The following ANKS1B variants were observed in gnomAD, a reference collection of about 807,000 sequenced individuals.
ANKS1B encodes the protein ankyrin repeat and sterile alpha motif domain-containing protein 1B.
ANKS1B carries 36 observed loss-of-function variants against 148.3 expected under a neutral mutation model. The observed-to-expected ratio is 0.24, with a 90% confidence interval of 0.19 to 0.32. The LOEUF (loss-of-function observed/expected upper bound fraction) is 0.32. Among genes scored for constraint, ANKS1B ranks in the 10% least tolerant of loss-of-function variants. The pLI is 1.00. For synonymous variants in ANKS1B, 542 were observed against 560.8 expected (o/e 0.97, Z 0.47); for missense variants, 1,157 against 1,542.6 (o/e 0.75, Z 4.19).
chr12:99,627,224 C>T (rs953807516), intron 9 of ANKS1B, among the ~76,000 whole-genome samples: 2 of 152,076 alleles, frequency 1.3e-5, no homozygotes, highest in Non-Finnish European at 2.9e-5. Flanking sequence ...TTTATTAATA[C>T]ACAATTGAGA....
intron 26 of ANKS1B, among the ~76,000 whole-genome samples, chr12:98,746,153 A>G (rs1262650904): frequency 6.6e-6 from 1 of 152,180 alleles, no homozygotes; most frequent in Non-Finnish European, 1.5e-5. Flanking sequence ...AGAGGGCACC[A>G]TGTGGGCACA....
chr12:99,428,649 C>T (rs138057217), intron 11 of ANKS1B, among the ~76,000 whole-genome samples: 57 of 152,248 alleles, frequency 3.7e-4, no homozygotes, highest in Non-Finnish European at 6.6e-4. Flanking sequence ...CCCAGACCCA[C>T]GTGCATACGT....
At chr12:99,594,334 T>G (rs370658888) in intron 9 of ANKS1B, among the ~76,000 whole-genome samples, 7 of 152,160 alleles carry the variant, frequency 4.6e-5, no homozygotes, top group African/African-American at 1.7e-4. Context: ...AACCACCATA[T>G]AATTTAGCAA....
chr12:99,932,179 A>C (rs2094635223), intron 1 of ANKS1B, among the ~76,000 whole-genome samples: 1 of 152,196 alleles, frequency 6.6e-6, no homozygotes, highest in Non-Finnish European at 1.5e-5. Context: ...GTTGATGGAC[A>C]CTTAGGTTGA....
At chr12:99,657,738 G>T (rs1162278688) in intron 8 of ANKS1B, among the ~76,000 whole-genome samples, 2 of 150,890 alleles carry the variant, frequency 1.3e-5, no homozygotes, top group Non-Finnish European at 2.9e-5. Context: ...CTAACAGTTT[G>T]ACCATCAACA....
rs141097615 is a variant in ANKS1B at position 99,557,725 on chromosome 12, T to A, written c.1273-53084A>T. On this transcript the variant is annotated intron_variant, in intron 9 of 26. Coordinates refer to ENST00000683438, the MANE Select transcript of ANKS1B (RefSeq NM_001352186.2). ...AGAGAACTAGTGTGGTCATTCTGAA[T>A]ACAAAGACAATCTGGCTTTTCAAGT... Among the ~76,000 whole-genome samples, 22 of 152,354 alleles carry A rather than the reference T, an allele frequency of 1.4e-4. 1 individual carries two copies. In the East Asian group the frequency reaches 3.9e-3, roughly 27 times the overall value.
intron 12 of ANKS1B, among the ~76,000 whole-genome samples, chr12:99,367,426 C>G (rs1353779743): frequency 6.6e-6 from 1 of 152,142 alleles, no homozygotes. Flanking sequence ...CTACACATTA[C>G]TGATGGAAGT....
intron 15 of ANKS1B, among the ~76,000 whole-genome samples, chr12:99,120,231 C>A (rs2062423569): frequency 6.6e-6 from 1 of 152,182 alleles, no homozygotes; most frequent in Non-Finnish European, 1.5e-5. Context: ...CTGGAGAAAA[C>A]CCATGCAGTC....
At chr12:98,779,017 G>A (rs117398501) in intron 24 of ANKS1B, among the ~76,000 whole-genome samples, 2 of 152,292 alleles carry the variant, frequency 1.3e-5, no homozygotes, top group African/African-American at 4.8e-5. Context: ...TACATTCACA[G>A]ACTGGCTCCA....
At chr12:98,972,840 C>T (rs1187233485) in intron 17 of ANKS1B, among the ~76,000 whole-genome samples, 1 of 152,112 alleles carries the variant, frequency 6.6e-6, no homozygotes, top group Non-Finnish European at 1.5e-5. Context: ...GTGACCTGCT[C>T]AGGTGATACT....
intron 14 of ANKS1B, among the ~76,000 whole-genome samples, chr12:99,196,646 T>C (rs1275675363): frequency 6.6e-6 from 1 of 152,046 alleles, no homozygotes; most frequent in African/African-American, 2.4e-5. Context: ...TATTATACTT[T>C]AAGTTTTAGG....
chr12:99,772,517 G>T (rs946554680), intron 8 of ANKS1B, among the ~76,000 whole-genome samples: 1 of 152,084 alleles, frequency 6.6e-6, no homozygotes, highest in Non-Finnish European at 1.5e-5. Flanking sequence ...TCAGGAGGAA[G>T]TGAGGAAACT....
At chr12:99,180,037 C>T (rs2078933361) in intron 14 of ANKS1B, among the ~76,000 whole-genome samples, 1 of 152,094 alleles carries the variant, frequency 6.6e-6, no homozygotes, top group South Asian at 2.1e-4. Context: ...TGCCTCATGG[C>T]TTCTTGCTTC....
chr12:98,926,448 A>G (rs752309908), intron 17 of ANKS1B, among the ~76,000 whole-genome samples: 1 of 152,176 alleles, frequency 6.6e-6, no homozygotes, highest in African/African-American at 2.4e-5. Context: ...TTGCCACACT[A>G]TATTCCTTAA....
chr12:99,049,384 A>T (rs944595167), intron 17 of ANKS1B, among the ~76,000 whole-genome samples: 2 of 152,168 alleles, frequency 1.3e-5, no homozygotes, highest in Non-Finnish European at 2.9e-5. Context: ...CAACTTTAGC[A>T]ATGAGAGCGG....
intron 8 of ANKS1B, chr12:99,706,738 C>T (rs1158839421): frequency 6.6e-6 from 1 of 152,108 alleles, no homozygotes; most frequent in Non-Finnish European, 1.5e-5. Context: ...CTCTCCCTTT[C>T]TGGCTTTGAT....
intron 11 of ANKS1B, among the ~76,000 whole-genome samples, chr12:99,435,664 A>G (rs890092905): frequency 6.6e-6 from 1 of 151,978 alleles, no homozygotes; most frequent in African/African-American, 2.4e-5. Context: ...TTGCTGAAAA[A>G]CTGAGGGTGA....
At chr12:99,631,805 TA>T (rs1486172499) in intron 9 of ANKS1B, among the ~76,000 whole-genome samples, 1 of 152,124 alleles carries the variant, frequency 6.6e-6, no homozygotes, top group African/African-American at 2.4e-5. Context: ...AAAGAATTTA[TA>T]ATCAAGAGAG....
chr12:99,451,131 C>T (rs1008454269), intron 10 of ANKS1B, among the ~76,000 whole-genome samples: 8 of 152,198 alleles, frequency 5.3e-5, no homozygotes, highest in African/African-American at 1.9e-4. Context: ...GCAAAATATA[C>T]TTGCAATTTC....
Sources: allele counts gnomAD v4.1 joint callset (sites outside exome capture counted in the v4.1 genomes callset), GRCh38; gene constraint gnomAD v4.1.1; transcripts MANE v1.5; gene names NCBI Gene and HGNC (gene_info 2026-07-23, HGNC 2026-07-21).